The following PTRH1 variants were observed in gnomAD, a reference collection of about 807,000 sequenced individuals.
PTRH1 encodes the protein peptidyl-tRNA hydrolase 1 homolog.
Under a neutral mutation model 15.7 loss-of-function variants are expected in PTRH1, and 13 were observed. That is an observed-to-expected ratio of 0.83 (90% CI 0.54 to 1.31). The LOEUF (loss-of-function observed/expected upper bound fraction) is 1.31. Among genes scored for constraint, PTRH1 ranks in the 40% most tolerant of loss-of-function variants. The pLI is 0.00. For missense variants in PTRH1, 319 were observed against 296.2 expected, an observed-to-expected ratio of 1.08 and a Z score of -0.56; for synonymous variants, 139 against 136.7, an observed-to-expected ratio of 1.02 and a Z score of -0.12.
At chr9:127,710,264 C>T (rs1489872218), downstream of PTRH1, among the ~76,000 whole-genome samples, 1 of 137,392 alleles carries the variant, frequency 7.3e-6, no homozygotes, top group African/African-American at 2.8e-5. Flanking sequence ...GCCTGAGTGA[C>T]AGAGGAAGAC....
At chr9:127,703,096 G>A (rs1267999090) in intron 1 of PTRH1, among the ~76,000 whole-genome samples, 3 of 152,010 alleles carry the variant, frequency 2.0e-5, no homozygotes, top group Non-Finnish European at 4.4e-5. Flanking sequence ...TGTAAAACCA[G>A]CCTCCTCTGT....
intron 2 of PTRH1, 96 bp downstream of exon 2, chr9:127,714,879 C>T: frequency 8.7e-7 from 1 of 1,153,696 alleles, no homozygotes; most frequent in Non-Finnish European, 1.2e-6. Flanking sequence ...GGAGGTGAAC[C>T]CGCGGATCTG....
Position 127,715,358 on chromosome 9 carries a change from A to G in PTRH1, c.97-164T>C. The G allele has an allele frequency of 8.1e-7, 1 of 1,232,572 alleles. No individual in the cohort carries two copies. Among genetic ancestry groups the G allele is most frequent in the Non-Finnish European group, 1.2e-6 (1 of 868,504 alleles). The allele number at this position is 1,232,572 out of a possible 1,614,324, so 76.4% of individuals were successfully genotyped here. ...GAAACCCGACCCCTGAGAACTCCAG[A>G]AGGCTGGGCAGGCAGGGCGCCCTAG... On this transcript the variant is annotated intron_variant, in intron 1 of 4. Transcript: ENST00000543175. The surrounding 1 kb of genome is among the most constrained non-coding windows in gnomAD (Gnocchi z 5.8).
At chr9:127,696,857 C>T (rs1358813889) in intron 1 of PTRH1, among the ~76,000 whole-genome samples, 1 of 152,116 alleles carries the variant, frequency 6.6e-6, no homozygotes, top group Non-Finnish European at 1.5e-5. Flanking sequence ...CAGAGCAAGA[C>T]TCCATCTCAA....
At chr9:127,709,364 A>T, downstream of PTRH1, 1 of 1,567,448 alleles carries the variant, frequency 6.4e-7, no homozygotes. The surrounding 1 kb of genome is among the most constrained non-coding windows in gnomAD (Gnocchi z 4.7). Flanking sequence ...GCCCAGCTGC[A>T]CCAGAGGCCT....
chr9:127,713,478 T>TTCCAAGCCA, downstream of PTRH1: 1 of 404,706 alleles, frequency 2.5e-6, no homozygotes, highest in South Asian at 4.8e-5. Context: ...AGGCCTCAGC[T>TTCCAAGCCA]TCCAAGCCAG....
chr9:127,704,562 C>T (rs1794297103), intron 1 of PTRH1, among the ~76,000 whole-genome samples: 3 of 151,650 alleles, frequency 2.0e-5, no homozygotes, highest in Admixed American at 6.6e-5. Context: ...CCGTTGGAAC[C>T]CCAAAACCAC....
intron 2 of PTRH1, chr9:127,694,870 G>A (rs919554782): frequency 3.1e-6 from 2 of 655,524 alleles, no homozygotes; most frequent in Non-Finnish European, 5.6e-6. Context: ...ATCTCTTCTG[G>A]GTACAGGAAG....
chr9:127,713,944 C>A lies in PTRH1; in HGVS notation c.*156G>T. On this transcript the variant is annotated 3_prime_UTR_variant, in exon 5 of 5. Coordinates refer to ENST00000543175, the MANE Select transcript of PTRH1 (RefSeq NM_001002913.3). ...GAACCTACTCCAGAAATGGACTGGT[C>A]CAGTCACAGTCACCCCCACTTTAAT... is the stretch of plus-strand genomic sequence containing the variant. 6.3e-7 allele frequency: 1 copy of A among 1,594,414 alleles called. No individual in the cohort carries two copies. Among genetic ancestry groups the A allele is most frequent in the South Asian group, 1.1e-5 (1 of 90,580 alleles).
At chr9:127,696,541 G>A (rs1356720707) in intron 1 of PTRH1, among the ~76,000 whole-genome samples, 1 of 152,148 alleles carries the variant, frequency 6.6e-6, no homozygotes, top group Non-Finnish European at 1.5e-5. Flanking sequence ...ACAGCCGTCT[G>A]ACTCCAGAGC....
intron 1 of PTRH1, among the ~76,000 whole-genome samples, chr9:127,703,509 A>G (rs1361965696): frequency 1.3e-5 from 2 of 152,088 alleles, no homozygotes; most frequent in Non-Finnish European, 2.9e-5. Flanking sequence ...GAAAGAGTCA[A>G]TTACGCTATT....
rs1445400195 is a variant in PTRH1, at chr9:127,714,092, C to T, written c.*8G>A. 1 of 1,611,198 alleles carries T rather than the reference C, an allele frequency of 6.2e-7. No individual in the cohort carries two copies. The highest frequency in any genetic ancestry group is 1.7e-5 in the Admixed American group (1 of 59,574). On this transcript the variant is annotated 3_prime_UTR_variant, in exon 5 of 5. Transcript: ENST00000543175. ...CTACAGTCAGGCAGGCAGCCATGGC[C>T]ACTAGTGTCACGGCCCCAGTGAGGG... is the stretch of plus-strand genomic sequence containing the variant.
At chr9:127,710,630 C>T (rs866067906), downstream of PTRH1, 26 of 1,585,896 alleles carry the variant, frequency 1.6e-5, no homozygotes, top group Middle Eastern at 3.3e-4. Context: ...GGAGGAGTTC[C>T]GGCTGCAGAA....
At chr9:127,709,568 A>C, downstream of PTRH1, 2 of 1,614,112 alleles carry the variant, frequency 1.2e-6, no homozygotes, top group African/African-American at 2.7e-5. The surrounding 1 kb of genome is among the most constrained non-coding windows in gnomAD (Gnocchi z 4.7). Context: ...GACCTCAACG[A>C]GCAGCTCCAG....
At chr9:127,714,566 A>G (rs1254559381) in intron 3 of PTRH1, 37 bp downstream of exon 3, 1 of 1,602,246 alleles carries the variant, frequency 6.2e-7, no homozygotes, top group Non-Finnish European at 8.6e-7. Flanking sequence ...GGGAGGCCTG[A>G]AGCCCTATCC....
At chr9:127,714,936 C>A in intron 2 of PTRH1, 39 bp downstream of exon 2, 1 of 639,914 alleles carries the variant, frequency 1.6e-6, no homozygotes. Context: ...ACCCCCACCC[C>A]CTTGGCCCGC....
At chr9:127,706,925 C>G in intron 1 of PTRH1, 1 of 1,399,598 alleles carries the variant, frequency 7.1e-7, no homozygotes, top group Middle Eastern at 1.9e-4. Context: ...GGCAGGGTCC[C>G]TTTAAGCCCA....
downstream of PTRH1, chr9:127,712,910 C>A: frequency 1.3e-6 from 2 of 1,594,858 alleles, no homozygotes; most frequent in Non-Finnish European, 1.7e-6. Flanking sequence ...TCAGAGGCAG[C>A]CACAGAGAGC....
downstream of PTRH1, chr9:127,712,576 C>A: frequency 6.4e-7 from 1 of 1,558,382 alleles, no homozygotes. Flanking sequence ...CTCAGTCTTC[C>A]CGACTGAAGA....
Sources: gnomAD v4.1 joint callset for allele counts (sites outside exome capture counted in the v4.1 genomes callset) on GRCh38, gnomAD v4.1.1 for gene constraint, Gnocchi (gnomAD v3.1) non-coding constraint, MANE v1.5 for transcripts, NCBI Gene and HGNC (gene_info 2026-07-23, HGNC 2026-07-21) for gene names.